Variants in SCLT1 observed in about 807,000 individuals in gnomAD.
The protein encoded by SCLT1 is sodium channel and clathrin linker 1.
SCLT1 carries 78 observed loss-of-function variants against 112.8 expected under a neutral mutation model. That is an observed-to-expected ratio of 0.69 (90% CI 0.58 to 0.83). The LOEUF is 0.83. SCLT1 is among the 40% of genes least tolerant of loss of function. The probability of loss-of-function intolerance (pLI) is 0.00; values close to 1 mark genes in which losing one functional copy is unlikely to be tolerated. For missense variants in SCLT1, 747 were observed against 770.4 expected, an observed-to-expected ratio of 0.97 and a Z score of 0.36; for synonymous variants, 257 against 254.7, an observed-to-expected ratio of 1.01 and a Z score of -0.09.
intron 9 of SCLT1, 75 bp downstream of exon 9, chr4:128,992,092 A>T: frequency 1.1e-6 from 1 of 937,274 alleles, no homozygotes. Context: ...ACCCATGGGG[A>T]AAATTATAGC....
chr4:128,931,460 AATTTT>A (rs757456546), intron 18 of SCLT1, among the ~76,000 whole-genome samples: 21 of 152,054 alleles, frequency 1.4e-4, no homozygotes, highest in Non-Finnish European at 2.9e-4. Context: ...GCTATTACAG[AATTTT>A]ATTTTATTTT....
Position 128,888,636 on chromosome 4 carries a change from C to A in SCLT1, c.2004+43G>T, listed in dbSNP as rs79661440. 1.7e-4 allele frequency: 197 copies of A among 1,172,524 alleles called. No individual in the cohort carries two copies. In the African/African-American group the frequency reaches 2.8e-3, roughly 17 times the overall value. The allele number at this position is 1,172,524 out of a possible 1,614,324, so 72.6% of individuals were successfully genotyped here. On this transcript the variant is annotated intron_variant, in intron 20 of 20. Coordinates refer to ENST00000281142, the MANE Select transcript of SCLT1 (RefSeq NM_144643.4). ...CCCTGGGAACTTCTAAAAAACTTATCTTTGAACTGTTTATTATCTAGGGAT... is the reference window on the plus strand; with the variant it reads ...CCCTGGGAACTTCTAAAAAACTTATATTTGAACTGTTTATTATCTAGGGAT...
intron 5 of SCLT1, among the ~76,000 whole-genome samples, chr4:129,021,015 C>T (rs569496388): frequency 9.7e-4 from 147 of 152,266 alleles, no homozygotes; most frequent in Non-Finnish European, 1.5e-3. Flanking sequence ...AAGACCAACG[C>T]AGAAGGAAGA....
intron 5 of SCLT1, among the ~76,000 whole-genome samples, chr4:129,022,505 A>C (rs1745580292): frequency 6.6e-6 from 1 of 152,216 alleles, no homozygotes; most frequent in African/African-American, 2.4e-5. Flanking sequence ...AGCATACAAA[A>C]GTATCAATAG....
intron 9 of SCLT1, among the ~76,000 whole-genome samples, chr4:128,975,405 A>G (rs1356727501): frequency 1.3e-5 from 2 of 152,174 alleles, no homozygotes; most frequent in Non-Finnish European, 2.9e-5. Flanking sequence ...AGGATAGGAT[A>G]TAATACTAGA....
chr4:129,059,786 T>C (rs1246096284), intron 2 of SCLT1, among the ~76,000 whole-genome samples: 2 of 152,200 alleles, frequency 1.3e-5, no homozygotes, highest in African/African-American at 2.4e-5. Flanking sequence ...TTTCTCTTTG[T>C]CTTTGACTTT....
At position 128,957,055 on chromosome 4, in the gene SCLT1, G is replaced by T; in HGVS notation, c.1117C>A (p.Gln373Lys). Residue 373 changes from glutamine to lysine, a missense_variant, in exon 13 of 21, where the codon CAA becomes AAA. By Grantham distance (53) the Gln-to-Lys change is moderately conservative. Transcript: ENST00000281142. ...TTCTTGGTTCTTATGGTAGCATCTTGTACAAACCGAGAAACTGTCTCTTTC... is the reference window on the plus strand; with the variant it reads ...TTCTTGGTTCTTATGGTAGCATCTTTTACAAACCGAGAAACTGTCTCTTTC... ...KMKETVSRFV[Q>K]DATIRTKKEV... is the part of the protein sequence containing the mutation. The T allele has an allele frequency of 6.3e-7, 1 of 1,597,458 alleles. No individual in the cohort carries two copies. Among genetic ancestry groups the T allele is most frequent in the Non-Finnish European group, 8.6e-7 (1 of 1,169,438 alleles).
At chr4:128,878,911 A>G (rs1322216015) in intron 3 of SCLT1, among the ~76,000 whole-genome samples, 1 of 151,812 alleles carries the variant, frequency 6.6e-6, no homozygotes, top group Non-Finnish European at 1.5e-5. Context: ...AGGGCTATAT[A>G]CATAATCTGA....
exon 5 of SCLT1, chr4:128,874,421 T>C (rs1035027834): frequency 6.6e-6 from 1 of 152,506 alleles, no homozygotes; most frequent in African/African-American, 2.4e-5. Flanking sequence ...TTACCTGTTT[T>C]TTCCCCACAT....
chr4:128,960,305 A>G (rs1188872259), intron 11 of SCLT1, among the ~76,000 whole-genome samples: 1 of 152,180 alleles, frequency 6.6e-6, no homozygotes. Flanking sequence ...ACATAAATAT[A>G]CACACATATT....
chr4:129,060,252 A>G (rs539674237), intron 2 of SCLT1, among the ~76,000 whole-genome samples: 1 of 152,314 alleles, frequency 6.6e-6, no homozygotes, highest in Non-Finnish European at 1.5e-5. Context: ...TCACTGAATT[A>G]TCTACTGTAT....
chr4:129,021,815 C>T (rs1460122718), intron 5 of SCLT1, among the ~76,000 whole-genome samples: 1 of 152,224 alleles, frequency 6.6e-6, no homozygotes, highest in East Asian at 1.9e-4. Flanking sequence ...AGCGCACCAG[C>T]TCTGCTAAGG....
intron 2 of SCLT1, among the ~76,000 whole-genome samples, chr4:129,046,919 G>A (rs1231885157): frequency 6.6e-6 from 1 of 152,082 alleles, no homozygotes; most frequent in Non-Finnish European, 1.5e-5. Flanking sequence ...AAGTTGAACA[G>A]TCTTTTCTAC....
chr4:129,005,704 G>A (rs1260879449), intron 5 of SCLT1, among the ~76,000 whole-genome samples: 1 of 151,718 alleles, frequency 6.6e-6, no homozygotes, highest in Non-Finnish European at 1.5e-5. Flanking sequence ...CTGCTATAAA[G>A]ACACATGCAC....
intron 2 of SCLT1, among the ~76,000 whole-genome samples, chr4:129,058,946 A>T (rs952582107): frequency 5.9e-5 from 9 of 152,144 alleles, no homozygotes; most frequent in Non-Finnish European, 1.0e-4. Flanking sequence ...ATATATATTT[A>T]AAAAGATTAT....
Position 128,948,588 on chromosome 4 carries a change from A to G in SCLT1, c.1219-18T>C, listed in dbSNP as rs202149284. 1.3e-6 allele frequency: 2 copies of G among 1,554,720 alleles called. No homozygotes were observed. The highest frequency in any genetic ancestry group is 4.5e-5 in the East Asian group (2 of 44,498). ...GCACACTCCTATAAATTCAAGTCATATTGTAAATATATACATTTGGTAACA... is the reference window on the plus strand; with the variant it reads ...GCACACTCCTATAAATTCAAGTCATGTTGTAAATATATACATTTGGTAACA... On this transcript the variant is annotated intron_variant, in intron 14 of 20. Coordinates refer to ENST00000281142, the MANE Select transcript of SCLT1 (RefSeq NM_144643.4).
At position 128,897,969 on chromosome 4, in the gene SCLT1, C is replaced by T. The variant is rs536488749; in HGVS notation, c.1830-6832G>A. ...AAAGGGATCAACTCAACAAGAAGAG[C>T]TAACTATCTTAAATATATATGCACC... is the stretch of plus-strand genomic sequence containing the variant. On this transcript the variant is annotated intron_variant, in intron 18 of 20. Transcript: ENST00000281142. 2.0e-5 allele frequency among the ~76,000 whole-genome samples: 3 copies of T among 152,260 alleles called. No homozygotes were observed. The South Asian group carries it at 6.2e-4, about 32-fold the overall frequency.
At chr4:129,040,600 C>T in intron 4 of SCLT1, among the ~76,000 whole-genome samples, 1 of 152,144 alleles carries the variant, frequency 6.6e-6, no homozygotes. Context: ...CTATAAATTC[C>T]TTACTGTAAA....
chr4:128,969,815 T>C (rs1452572295), intron 10 of SCLT1, among the ~76,000 whole-genome samples: 1 of 152,160 alleles, frequency 6.6e-6, no homozygotes, highest in African/African-American at 2.4e-5. Context: ...TATGGGAGGG[T>C]TCTTGTAACA....
Sources: allele counts gnomAD v4.1 joint callset (sites outside exome capture counted in the v4.1 genomes callset), GRCh38; gene constraint gnomAD v4.1.1; transcripts MANE v1.5; gene names NCBI Gene and HGNC (gene_info 2026-07-23, HGNC 2026-07-21).